Variants in GTF2IRD1 observed in about 807,000 individuals in gnomAD.
GTF2IRD1 encodes the protein GTF2I repeat domain containing 1, also known as general transcription factor II-I repeat domain-containing protein 1.
GTF2IRD1 carries 26 observed loss-of-function variants against 113.2 expected under a neutral mutation model. That is an observed-to-expected ratio of 0.23 (90% CI 0.17 to 0.32). The LOEUF is 0.32. Ranked by LOEUF, GTF2IRD1 falls within the 10% of genes least tolerant of loss-of-function variation. GTF2IRD1 has a pLI of 1.00. For synonymous variants in GTF2IRD1, 484 were observed against 529.1 expected, an observed-to-expected ratio of 0.91 and a Z score of 1.17; for missense variants, 864 against 1,280.8, an observed-to-expected ratio of 0.67 and a Z score of 4.97.
intron 1 of GTF2IRD1, among the ~76,000 whole-genome samples, chr7:74,473,397 G>A (rs1487598717): frequency 6.6e-6 from 1 of 151,864 alleles, no homozygotes; most frequent in Admixed American, 6.6e-5. Flanking sequence ...TGTGAGGTTG[G>A]GCGTGGAGGT....
chr7:74,497,999 C>T (rs1795826133), intron 1 of GTF2IRD1, among the ~76,000 whole-genome samples: 1 of 151,936 alleles, frequency 6.6e-6, no homozygotes, highest in Admixed American at 6.6e-5. Flanking sequence ...CCACCGCGCC[C>T]CGCTTTCTTG....
chr7:74,458,915 T>A (rs550816236), intron 1 of GTF2IRD1, among the ~76,000 whole-genome samples: 9 of 132,198 alleles, frequency 6.8e-5, no homozygotes, highest in African/African-American at 2.5e-4. Flanking sequence ...CTCCTTGGCC[T>A]CCCAAAGTGC....
At chr7:74,539,192 T>C (rs1230776782) in intron 13 of GTF2IRD1, among the ~76,000 whole-genome samples, 1 of 152,170 alleles carries the variant, frequency 6.6e-6, no homozygotes, top group African/African-American at 2.4e-5. Context: ...ATGCTTGTAA[T>C]CCTGGCATTT....
chr7:74,472,932 G>A (rs1554332755), intron 1 of GTF2IRD1, among the ~76,000 whole-genome samples: 1 of 152,148 alleles, frequency 6.6e-6, no homozygotes, highest in Non-Finnish European at 1.5e-5. Context: ...AGCGTACCCT[G>A]GACAGGGCAG....
chr7:74,500,346 G>T (rs1175891303), intron 1 of GTF2IRD1, among the ~76,000 whole-genome samples: 1 of 152,032 alleles, frequency 6.6e-6, no homozygotes, highest in African/African-American at 2.4e-5. Context: ...TGGGAGGGAG[G>T]CCAAGGTGGG....
At chr7:74,581,186 A>AT (rs1242027857) in intron 22 of GTF2IRD1, among the ~76,000 whole-genome samples, 7 of 151,794 alleles carry the variant, frequency 4.6e-5, no homozygotes, top group South Asian at 2.1e-4. Context: ...TGCCCGGCTA[A>AT]TTTTTTTTTA....
At chr7:74,565,998 G>GACACACAA in intron 22 of GTF2IRD1, among the ~76,000 whole-genome samples, 1 of 108,974 alleles carries the variant, frequency 9.2e-6, no homozygotes, top group Non-Finnish European at 1.9e-5. Flanking sequence ...CTCTCTAAAA[G>GACACACAA]ACACACAAAC....
chr7:74,558,979 C>T lies in GTF2IRD1; in HGVS notation c.2226C>T (p.Thr742=). 1 of 1,614,126 alleles carries T rather than the reference C, an allele frequency of 6.2e-7. No individual in the cohort carries two copies. Among genetic ancestry groups the T allele is most frequent in the Non-Finnish European group, 8.5e-7 (1 of 1,180,018 alleles). Residue 742 remains threonine, a synonymous_variant, in exon 21 of 27, where the codon ACC becomes ACT. Transcript: ENST00000424337. ...GAATCCCGTTCCGAAAGCCCTGTAC[C>T]TTCGGCTCCCAGAACCTGGAGAGGA... is the stretch of plus-strand genomic sequence containing the variant. ...PPGIPFRKPC[T]FGSQNLERIL...
chr7:74,499,932 GTGAA>G (rs1318909863), intron 1 of GTF2IRD1, among the ~76,000 whole-genome samples: 2 of 152,068 alleles, frequency 1.3e-5, no homozygotes, highest in Non-Finnish European at 2.9e-5. Flanking sequence ...ACAGGAATGA[GTGAA>G]TGAATACACA....
chr7:74,571,086 G>C, intron 22 of GTF2IRD1: 1 of 985,184 alleles, frequency 1.0e-6, no homozygotes, highest in African/African-American at 1.7e-5. Context: ...GGGGACTGTG[G>C]GAAGGCAGCG....
intron 1 of GTF2IRD1, among the ~76,000 whole-genome samples, chr7:74,493,169 A>G (rs1306305437): frequency 2.7e-5 from 4 of 147,560 alleles, no homozygotes; most frequent in African/African-American, 5.1e-5. Flanking sequence ...GAGGGCAGTG[A>G]CGTGATCTCA....
In GTF2IRD1 at chr7:74,561,389, C is replaced by T. The variant is rs142487519; in HGVS notation, c.2320+1734C>T. Among the ~76,000 whole-genome samples the T allele has an allele frequency of 2.8e-3, 412 of 146,980 alleles. 12 individuals carry two copies. In the East Asian group the frequency reaches 0.066, roughly 23 times the overall value. On this transcript the variant is annotated intron_variant, in intron 22 of 26. Coordinates refer to ENST00000424337, the MANE Select transcript of GTF2IRD1 (RefSeq NM_005685.4). The stretch of plus-strand genomic sequence containing the variant: ...AAGAACTTAGGGTACAGTGATGTGG[C>T]GGCTGCTGACAGGCCACGGGAACCC...
In GTF2IRD1 at chr7:74,511,614, G is replaced by A. The variant is rs532354806; in HGVS notation, c.124-1216G>A. Among the ~76,000 whole-genome samples, 16 of 152,316 alleles carry A rather than the reference G, an allele frequency of 1.1e-4. No homozygotes were observed. In the South Asian group the frequency reaches 1.4e-3, roughly 14 times the overall value. On this transcript the variant is annotated intron_variant, in intron 2 of 26. Coordinates refer to ENST00000424337, the MANE Select transcript of GTF2IRD1 (RefSeq NM_005685.4). ...GACAGGCTTCCTGGCCCCACGCCGC[G>A]TGCACCTTCCTAACCAGAGCGACTC...
At chr7:74,462,146 G>A (rs782300565) in intron 1 of GTF2IRD1, among the ~76,000 whole-genome samples, 21 of 152,096 alleles carry the variant, frequency 1.4e-4, no homozygotes, top group Non-Finnish European at 2.5e-4. Flanking sequence ...GGCTGCGGCG[G>A]GAGGATCACT....
At chr7:74,516,637 T>C (rs988044497) in intron 4 of GTF2IRD1, among the ~76,000 whole-genome samples, 27 of 152,214 alleles carry the variant, frequency 1.8e-4, no homozygotes, top group Admixed American at 4.6e-4. Flanking sequence ...AGGAAACTTC[T>C]GCTGTTCTTA....
intron 22 of GTF2IRD1, among the ~76,000 whole-genome samples, chr7:74,575,105 CAA>C (rs57578830): frequency 2.6e-5 from 4 of 151,944 alleles, no homozygotes; most frequent in African/African-American, 7.3e-5. Context: ...TACAAAAAAA[CAA>C]AAAAAACCCA....
In GTF2IRD1 at chr7:74,515,872, G is replaced by A. The variant is rs953629903; in HGVS notation, c.421+276G>A. On this transcript the variant is annotated intron_variant, in intron 4 of 26. Transcript: ENST00000424337. ...CTAGAAATAGCCCCAGGCTTGCCAC[G>A]GTCTCCCTGCTTCCAGACCAGCTCT... is the stretch of plus-strand genomic sequence containing the variant. Among the ~76,000 whole-genome samples, 35 of 152,098 alleles carry A rather than the reference G, an allele frequency of 2.3e-4. 1 individual carries two copies. Among genetic ancestry groups the A allele is most frequent in the Admixed American group, 1.9e-3 (29 of 15,274 alleles).
At chr7:74,599,769 C>A (rs1802635430) in intron 25 of GTF2IRD1, among the ~76,000 whole-genome samples, 1 of 152,168 alleles carries the variant, frequency 6.6e-6, no homozygotes, top group Non-Finnish European at 1.5e-5. Context: ...TCAATCCACC[C>A]ACCTTGGTCT....
rs192669173 is a variant in GTF2IRD1, at chr7:74,502,672, G to A, written c.-6-5403G>A. ...GCCACGAGTGCTTGGCTAATTTTTGGCTCAGGGTCCGGGCAGGCCTCCAGC... is the reference window on the plus strand; with the variant it reads ...GCCACGAGTGCTTGGCTAATTTTTGACTCAGGGTCCGGGCAGGCCTCCAGC... On this transcript the variant is annotated intron_variant, in intron 1 of 26. Transcript: ENST00000424337. Among the ~76,000 whole-genome samples, 1,232 of 152,306 alleles carry A rather than the reference G, an allele frequency of 8.1e-3. 8 individuals carry two copies. The highest frequency in any genetic ancestry group is 0.012 in the Non-Finnish European group (848 of 68,012).
Sources: allele counts gnomAD v4.1 joint callset (sites outside exome capture counted in the v4.1 genomes callset), GRCh38; gene constraint gnomAD v4.1.1; transcripts MANE v1.5; gene names NCBI Gene and HGNC (gene_info 2026-07-23, HGNC 2026-07-21).